MYPN: variants seen among roughly 807,000 people sequenced by gnomAD.
MYPN encodes myopalladin.
Under a neutral mutation model 129.4 loss-of-function variants are expected in MYPN, and 63 were observed. The observed-to-expected ratio is 0.49, with a 90% CI of 0.40 to 0.60. The LOEUF (loss-of-function observed/expected upper bound fraction) is 0.60. Among genes scored for constraint, MYPN ranks in the 20% least tolerant of loss-of-function variants. The pLI, the probability that MYPN is intolerant of heterozygous loss-of-function variation, is 0.00. For missense variants in MYPN, 1,596 were observed against 1,635.4 expected, an observed-to-expected ratio of 0.98 and a Z score of 0.42; for synonymous variants, 629 against 600.9, an observed-to-expected ratio of 1.05 and a Z score of -0.68.
upstream of MYPN, among the ~76,000 whole-genome samples, chr10:68,109,057 G>A (rs1459776625): frequency 2.0e-5 from 3 of 152,100 alleles, no homozygotes; most frequent in Admixed American, 6.6e-5. Flanking sequence ...GTCTGCTTTT[G>A]CTTAGCCTTT....
At chr10:68,099,063 A>G (rs1171110868) in intron 1 of MYPN, among the ~76,000 whole-genome samples, 2 of 152,214 alleles carry the variant, frequency 1.3e-5, no homozygotes, top group Non-Finnish European at 2.9e-5. Context: ...ACATAAAATA[A>G]TCTATAACCA....
intron 16 of MYPN, among the ~76,000 whole-genome samples, chr10:68,199,114 A>G: frequency 6.6e-6 from 1 of 151,718 alleles, no homozygotes; most frequent in Middle Eastern, 3.4e-3. Context: ...TTTAATTCTT[A>G]TTTATTCTAA....
At chr10:68,206,523 G>T (rs2043818270) in intron 18 of MYPN, among the ~76,000 whole-genome samples, 1 of 152,138 alleles carries the variant, frequency 6.6e-6, no homozygotes, top group African/African-American at 2.4e-5. Context: ...TGGGGGTTCT[G>T]CTGGTGGGGA....
At chr10:68,108,525 A>T (rs2042039659), upstream of MYPN, among the ~76,000 whole-genome samples, 1 of 152,218 alleles carries the variant, frequency 6.6e-6, no homozygotes, top group Admixed American at 6.5e-5. Context: ...TGACTTAATT[A>T]AGAAAGCTAG....
Position 68,211,190 on chromosome 10 carries a change from A to T in MYPN, c.*735A>T, listed in dbSNP as rs1409958370. The T allele has an allele frequency of 4.4e-6, 2 of 453,956 alleles. No individual in the cohort carries two copies. The highest frequency in any genetic ancestry group is 8.8e-6 in the Non-Finnish European group (2 of 226,804). 28.1% of individuals were successfully genotyped at this position (453,956 alleles called of 1,614,324 possible). On this transcript the variant is annotated 3_prime_UTR_variant, in exon 20 of 20. Coordinates refer to ENST00000358913, the MANE Select transcript of MYPN (RefSeq NM_032578.4). ...GGTGACTGTTTTTTTCTGACTTTGC[A>T]TATCCCTAGACACTAGAACTAAAGG... is the stretch of plus-strand genomic sequence containing the variant.
At chr10:68,096,059 G>A (rs1308950244) in intron 1 of MYPN, among the ~76,000 whole-genome samples, 1 of 152,014 alleles carries the variant, frequency 6.6e-6, no homozygotes, top group African/African-American at 2.4e-5. Flanking sequence ...TTCATTATTA[G>A]GTATGAATTT....
At chr10:68,175,511 T>A in intron 12 of MYPN, 50 bp downstream of exon 12, 1 of 1,604,528 alleles carries the variant, frequency 6.2e-7, no homozygotes, top group South Asian at 1.1e-5. Context: ...TGTAAGGAAT[T>A]TAATTTTGCT....
Position 68,109,596 on chromosome 10 carries a change from A to G in MYPN, c.-129A>G, listed in dbSNP as rs1435121269. Reference sequence around the variant, plus strand: ...CACTCTCTATGGACGGCTACTCTCTATTTCCAAGGGCGTGAAGAATTTCCC... The same window carrying G: ...CACTCTCTATGGACGGCTACTCTCTGTTTCCAAGGGCGTGAAGAATTTCCC... On this transcript the variant is annotated 5_prime_UTR_variant, in exon 1 of 20. Transcript: ENST00000358913. 2 of 453,936 alleles carry G rather than the reference A, an allele frequency of 4.4e-6. No individual in the cohort carries two copies. The highest frequency in any genetic ancestry group is 1.4e-4 in the East Asian group (2 of 14,404). The allele number at this position is 453,936 out of a possible 1,614,324, so 28.1% of individuals were successfully genotyped here. A position where few individuals can be genotyped will look rare whatever the true frequency, so the allele number is the denominator to read the frequency against.
At chr10:68,123,561 C>A (rs1473982522) in intron 2 of MYPN, among the ~76,000 whole-genome samples, 1 of 150,644 alleles carries the variant, frequency 6.6e-6, no homozygotes, top group Non-Finnish European at 1.5e-5. Flanking sequence ...TGGCGGGCGC[C>A]TGTAGTCCCA....
At chr10:68,093,990 A>G (rs1231542515) in intron 1 of MYPN, among the ~76,000 whole-genome samples, 1 of 152,082 alleles carries the variant, frequency 6.6e-6, no homozygotes, top group Non-Finnish European at 1.5e-5. Flanking sequence ...GTAAACTGTC[A>G]CGGTGGTGGT....
At chr10:68,128,906 T>G (rs186844603) in intron 2 of MYPN, among the ~76,000 whole-genome samples, 1 of 152,270 alleles carries the variant, frequency 6.6e-6, no homozygotes, top group African/African-American at 2.4e-5. Flanking sequence ...AAACCAATTA[T>G]GTCTTGATGT....
At chr10:68,118,791 G>C (rs1290322080) in intron 1 of MYPN, among the ~76,000 whole-genome samples, 1 of 151,764 alleles carries the variant, frequency 6.6e-6, no homozygotes, top group African/African-American at 2.4e-5. Flanking sequence ...CTATGATCAT[G>C]CCACTGTGCT....
rs1034769648 is a variant in MYPN, at chr10:68,211,537, G to C, written c.*1082G>C. On this transcript the variant is annotated 3_prime_UTR_variant, in exon 20 of 20. Coordinates refer to ENST00000358913, the MANE Select transcript of MYPN (RefSeq NM_032578.4). Reference sequence around the variant, plus strand: ...TTTCTATGTAGAGAATATTCTGCTAGGTGGAAAAGTTGGGAGAAAGGGGAA... The same window carrying C: ...TTTCTATGTAGAGAATATTCTGCTACGTGGAAAAGTTGGGAGAAAGGGGAA... 6 of 454,062 alleles carry C rather than the reference G, an allele frequency of 1.3e-5. No individual in the cohort carries two copies. Among genetic ancestry groups the C allele is most frequent in the Non-Finnish European group, 2.2e-5 (5 of 226,790 alleles). 28.1% of individuals were successfully genotyped at this position (454,062 alleles called of 1,614,324 possible).
At chr10:68,179,439 A>G (rs1432878616) in intron 12 of MYPN, among the ~76,000 whole-genome samples, 1 of 152,208 alleles carries the variant, frequency 6.6e-6, no homozygotes, top group Non-Finnish European at 1.5e-5. Context: ...TGCATGGTGC[A>G]GAGTAGGTGC....
chr10:68,133,585 T>G (rs1022153840), intron 2 of MYPN, among the ~76,000 whole-genome samples: 37 of 151,884 alleles, frequency 2.4e-4, no homozygotes, highest in African/African-American at 8.7e-4. Context: ...AAGCCCAAAT[T>G]GTATCCCAGA....
chr10:68,131,423 A>C (rs2042410198), intron 2 of MYPN, among the ~76,000 whole-genome samples: 1 of 151,358 alleles, frequency 6.6e-6, no homozygotes, highest in Non-Finnish European at 1.5e-5. Flanking sequence ...AAAAAAACTA[A>C]TAAGATTTTT....
chr10:68,205,516 C>CAAA (rs35907393), intron 18 of MYPN, among the ~76,000 whole-genome samples: 1 of 134,634 alleles, frequency 7.4e-6, no homozygotes, highest in African/African-American at 2.8e-5. Flanking sequence ...CTATTTCTAC[C>CAAA]AAAAAAAAAA....
intron 6 of MYPN, chr10:68,157,954 T>G (rs1158652406): frequency 6.5e-6 from 1 of 152,772 alleles, no homozygotes; most frequent in African/African-American, 2.4e-5. Flanking sequence ...GTAGCTATAT[T>G]ACTCAAAATG....
chr10:68,169,814 A>G (rs2043117892), intron 10 of MYPN, among the ~76,000 whole-genome samples: 1 of 151,072 alleles, frequency 6.6e-6, no homozygotes, highest in Admixed American at 6.6e-5. Flanking sequence ...ATCTCAGCTC[A>G]CTGCAACTTC....
Sources: allele counts gnomAD v4.1 joint callset (sites outside exome capture counted in the v4.1 genomes callset), GRCh38; gene constraint gnomAD v4.1.1; transcripts MANE v1.5; gene names NCBI Gene and HGNC (gene_info 2026-07-23, HGNC 2026-07-21).